Variants in FAM107B observed in about 807,000 individuals in gnomAD.
FAM107B encodes the protein protein FAM107B.
FAM107B carries 21 observed loss-of-function variants against 31.5 expected under a neutral mutation model. The observed-to-expected ratio is 0.67, with a 90% CI of 0.47 to 0.96. FAM107B has a LOEUF of 0.96. Among genes scored for constraint, FAM107B ranks in the 40% least tolerant of loss-of-function variants. The pLI is 0.00. For missense variants in FAM107B, 452 were observed against 377.1 expected (o/e 1.20, Z -1.64); for synonymous variants, 157 against 141.5 (o/e 1.11, Z -0.78).
At chr10:14,675,267 C>A (rs1219885906) in intron 1 of FAM107B, among the ~76,000 whole-genome samples, 4 of 152,160 alleles carry the variant, frequency 2.6e-5, no homozygotes, top group Non-Finnish European at 5.9e-5. Flanking sequence ...TTTATGGCAC[C>A]GTGGTCAGGG....
At chr10:14,725,561 T>C (rs1856012160) in intron 1 of FAM107B, among the ~76,000 whole-genome samples, 1 of 152,024 alleles carries the variant, frequency 6.6e-6, no homozygotes, top group Non-Finnish European at 1.5e-5. Context: ...GGTTTGCACA[T>C]GGCTGTCTTC....
chr10:14,617,793 AC>A (rs1852891818), intron 2 of FAM107B, among the ~76,000 whole-genome samples: 1 of 149,992 alleles, frequency 6.7e-6, no homozygotes, highest in Non-Finnish European at 1.5e-5. Context: ...CAGGCCCATG[AC>A]CCAGAGTTTG....
chr10:14,731,012 C>T (rs972797296), intron 1 of FAM107B, among the ~76,000 whole-genome samples: 3 of 152,064 alleles, frequency 2.0e-5, no homozygotes, highest in African/African-American at 7.2e-5. Context: ...GGTGCTGTCA[C>T]CATGACTGGA....
At chr10:14,626,076 A>G (rs1853154431) in intron 2 of FAM107B, among the ~76,000 whole-genome samples, 1 of 152,140 alleles carries the variant, frequency 6.6e-6, no homozygotes. Flanking sequence ...GACTCTTTTA[A>G]GACCGTGGTT....
chr10:14,535,662 G>GGCAGA (rs1847532696), intron 2 of FAM107B, among the ~76,000 whole-genome samples: 1 of 152,188 alleles, frequency 6.6e-6, no homozygotes, highest in Non-Finnish European at 1.5e-5. Flanking sequence ...TTCAGAGTGG[G>GGCAGA]GCAGGAAACA....
intron 2 of FAM107B, among the ~76,000 whole-genome samples, chr10:14,612,929 C>T (rs376059760): frequency 1.3e-5 from 2 of 152,090 alleles, no homozygotes; most frequent in Non-Finnish European, 2.9e-5. Context: ...ATACAAGTCG[C>T]TACAAAGTGA....
chr10:14,628,111 GGTTTTTTTT>G (rs1219510175), intron 2 of FAM107B, among the ~76,000 whole-genome samples: 8 of 90,676 alleles, frequency 8.8e-5, no homozygotes, highest in African/African-American at 3.1e-4. Context: ...TTGTTTTGCT[GGTTTTTTTT>G]TTTTTTTTTT....
chr10:14,720,256 A>AC (rs1554752752), intron 1 of FAM107B, among the ~76,000 whole-genome samples: 1 of 150,346 alleles, frequency 6.7e-6, no homozygotes, highest in Admixed American at 6.6e-5. Flanking sequence ...TTTTTTGGTA[A>AC]TTTTTTTTTT....
intron 2 of FAM107B, among the ~76,000 whole-genome samples, chr10:14,560,195 G>C (rs1850114653): frequency 6.6e-6 from 1 of 151,956 alleles, no homozygotes; most frequent in African/African-American, 2.4e-5. Flanking sequence ...CTGCATTCTG[G>C]GTGGCTTATT....
At chr10:14,730,795 C>A (rs114913302) in intron 1 of FAM107B, among the ~76,000 whole-genome samples, 2,837 of 152,232 alleles carry the variant, frequency 0.019, 81 homozygotes, top group African/African-American at 0.064. Flanking sequence ...TGATTTTAGC[C>A]CTGAAAGTCC....
chr10:14,747,345 T>G (rs925311343), intron 1 of FAM107B, among the ~76,000 whole-genome samples: 5 of 152,224 alleles, frequency 3.3e-5, no homozygotes, highest in African/African-American at 1.2e-4. Context: ...GTTGGAGATG[T>G]GTTGTGATCA....
intron 2 of FAM107B, among the ~76,000 whole-genome samples, chr10:14,584,607 T>C (rs920543911): frequency 3.3e-5 from 5 of 152,186 alleles, no homozygotes; most frequent in African/African-American, 4.8e-5. Context: ...ACACGTGCAG[T>C]GCTCTCCCTA....
intron 1 of FAM107B, among the ~76,000 whole-genome samples, chr10:14,762,767 C>G (rs1031773084): frequency 1.7e-4 from 24 of 144,496 alleles, no homozygotes; most frequent in African/African-American, 5.8e-4. Flanking sequence ...CACACACACA[C>G]ACACACACAC....
intron 1 of FAM107B, among the ~76,000 whole-genome samples, chr10:14,717,446 A>T (rs1187246116): frequency 6.6e-6 from 1 of 152,182 alleles, no homozygotes; most frequent in African/African-American, 2.4e-5. Flanking sequence ...GAACCTCAAC[A>T]CCAGGGAAGC....
At chr10:14,750,488 T>C (rs1832805796) in intron 1 of FAM107B, among the ~76,000 whole-genome samples, 1 of 152,128 alleles carries the variant, frequency 6.6e-6, no homozygotes, top group Admixed American at 6.5e-5. Flanking sequence ...GGTGCACACC[T>C]GTAATCCCAG....
chr10:14,546,653 C>T lies in FAM107B; in HGVS notation c.470-16138G>A, dbSNP rs183033445. Among the ~76,000 whole-genome samples the T allele has an allele frequency of 2.6e-5, 4 of 152,310 alleles. No homozygotes were observed. In the East Asian group the frequency reaches 7.7e-4, roughly 29 times the overall value. Reference sequence around the variant, plus strand: ...TTAAAAACCAGTGACTGCTCAGACACGGTTATTTAGACATCCTCTAAGTCC... The same window carrying T: ...TTAAAAACCAGTGACTGCTCAGACATGGTTATTTAGACATCCTCTAAGTCC... On this transcript the variant is annotated intron_variant, in intron 2 of 4. Coordinates refer to ENST00000181796, the MANE Select transcript of FAM107B (RefSeq NM_031453.4).
chr10:14,620,378 C>G (rs1852978586), intron 2 of FAM107B, among the ~76,000 whole-genome samples: 1 of 152,090 alleles, frequency 6.6e-6, no homozygotes, highest in South Asian at 2.1e-4. Flanking sequence ...TCAACACCAC[C>G]CTTTCTTATT....
In FAM107B at chr10:14,548,838, A is replaced by ACACACACACACG. The variant is rs60206579; in HGVS notation, c.470-18324_470-18323insCGTGTGTGTGTG. ...TACACATGCACACGCACACACACGC[A>ACACACACACACG]CACACACACCGACTGAATGCTGAGT... On this transcript the variant is annotated intron_variant, in intron 2 of 4. Transcript: ENST00000181796. Among the ~76,000 whole-genome samples, 19 of 151,414 alleles carry ACACACACACACG rather than the reference A, an allele frequency of 1.3e-4. No individual in the cohort carries two copies. In the East Asian group the frequency reaches 2.9e-3, roughly 23 times the overall value.
At chr10:14,581,401 C>T (rs1223407818) in intron 2 of FAM107B, among the ~76,000 whole-genome samples, 5 of 152,206 alleles carry the variant, frequency 3.3e-5, no homozygotes, top group Non-Finnish European at 7.3e-5. Flanking sequence ...CAGGCTCAGC[C>T]TCAGATGCAT....
Sources: allele counts gnomAD v4.1 joint callset (sites outside exome capture counted in the v4.1 genomes callset), GRCh38; gene constraint gnomAD v4.1.1; transcripts MANE v1.5; gene names NCBI Gene and HGNC (gene_info 2026-07-23, HGNC 2026-07-21).